GABRA5: variants seen among roughly 807,000 people sequenced by gnomAD.
GABRA5 encodes the protein gamma-aminobutyric acid receptor subunit alpha-5.
Under a neutral mutation model 47.3 loss-of-function variants are expected in GABRA5, and 18 were observed. That is an observed-to-expected ratio of 0.38 (90% confidence interval 0.26 to 0.56). The LOEUF (loss-of-function observed/expected upper bound fraction) is 0.56, where lower values mean the gene tolerates loss of function less well. Among genes scored for constraint, GABRA5 ranks in the 20% least tolerant of loss-of-function variants. The pLI is 0.71. For synonymous variants in GABRA5, 237 were observed against 229.3 expected (o/e 1.03, Z -0.30); for missense variants, 365 against 599.3 (o/e 0.61, Z 4.08).
At chr15:26,929,765 G>C (rs1179208830) in intron 7 of GABRA5, among the ~76,000 whole-genome samples, 1 of 152,172 alleles carries the variant, frequency 6.6e-6, no homozygotes, top group Non-Finnish European at 1.5e-5. Context: ...GCAGGGCAGG[G>C]CGCCTCTCCG....
intron 6 of GABRA5, among the ~76,000 whole-genome samples, chr15:26,889,616 G>A (rs1404211657): frequency 6.6e-6 from 1 of 152,144 alleles, no homozygotes; most frequent in East Asian, 1.9e-4. Flanking sequence ...AGATGTGTTT[G>A]TATATATGTA....
At chr15:26,938,696 C>T (rs1894306142) in intron 8 of GABRA5, among the ~76,000 whole-genome samples, 1 of 152,236 alleles carries the variant, frequency 6.6e-6, no homozygotes, top group African/African-American at 2.4e-5. Context: ...CTCGGCTCTG[C>T]TCCCTCACCT....
intron 6 of GABRA5, among the ~76,000 whole-genome samples, chr15:26,890,992 GT>G (rs1892992541): frequency 6.6e-6 from 1 of 152,176 alleles, no homozygotes; most frequent in South Asian, 2.1e-4. Flanking sequence ...GTCAGATTTA[GT>G]TTTGCTAAAA....
At chr15:26,897,205 A>G (rs1000233648) in intron 6 of GABRA5, among the ~76,000 whole-genome samples, 1 of 152,162 alleles carries the variant, frequency 6.6e-6, no homozygotes, top group African/African-American at 2.4e-5. Context: ...CTAACCTCTC[A>G]GTTGTCAGAA....
rs1312338285 is a variant in GABRA5, at chr15:26,943,314, T to C, written c.977T>C (p.Val326Ala). ...YATAMDWFIAVCYAFVFSALI... is the reference protein window; with the variant it reads ...YATAMDWFIAACYAFVFSALI... The stretch of plus-strand genomic sequence containing the variant: ...ACCGCCATGGACTGGTTCATAGCCG[T>C]GTGCTATGCCTTCGTCTTCTCGGCG... The change falls in exon 10 of 11, where the codon GTG (valine) becomes GCG (alanine). Residue 326 changes from valine to alanine, a missense_variant. Physicochemically the swap from Val to Ala is moderately conservative, Grantham distance 64. Coordinates refer to ENST00000335625, the MANE Select transcript of GABRA5 (RefSeq NM_000810.4). 1 of 1,588,446 alleles carries C rather than the reference T, an allele frequency of 6.3e-7. No individual in the cohort carries two copies. Among genetic ancestry groups the C allele is most frequent in the Non-Finnish European group, 8.6e-7 (1 of 1,167,264 alleles).
At chr15:26,881,078 C>T in intron 4 of GABRA5, 111 bp downstream of exon 4, 1 of 1,274,890 alleles carries the variant, frequency 7.8e-7, no homozygotes, top group South Asian at 1.7e-5. Flanking sequence ...GCTTCCCTGC[C>T]AGGATTTTGG....
chr15:26,918,368 T>A (rs1373157963), intron 7 of GABRA5, among the ~76,000 whole-genome samples: 4 of 152,170 alleles, frequency 2.6e-5, no homozygotes, highest in African/African-American at 7.2e-5. Flanking sequence ...GAAATTTCTG[T>A]CTTCTTAAAT....
At chr15:26,914,661 T>C in intron 6 of GABRA5, 142 bp from the exon 7 acceptor site, 1 of 642,700 alleles carries the variant, frequency 1.6e-6, no homozygotes, top group Middle Eastern at 2.6e-4. Flanking sequence ...ACTTACGTAA[T>C]TTGGTGGGGA....
Position 26,949,095 on chromosome 15 carries a change from T to C in GABRA5, c.*862T>C, listed in dbSNP as rs1894583118. 1 of 152,206 alleles carries C rather than the reference T, an allele frequency of 6.6e-6. No individual in the cohort carries two copies. The highest frequency in any genetic ancestry group is 1.5e-5 in the Non-Finnish European group (1 of 68,038). 9.4% of individuals were successfully genotyped at this position (152,206 alleles called of 1,614,324 possible). A position where few individuals can be genotyped will look rare whatever the true frequency, so the allele number is the denominator to read the frequency against. On this transcript the variant is annotated 3_prime_UTR_variant, in exon 11 of 11. Transcript: ENST00000335625. ...GTGGTGAGAAATTGTAATTGAGTTA[T>C]TTTCCATTTTATTTCCTTGTATGTA...
intron 8 of GABRA5, 46 bp downstream of exon 8, chr15:26,937,374 C>G (rs922263611): frequency 1.3e-6 from 2 of 1,551,408 alleles, no homozygotes. Flanking sequence ...CTCAGGACAC[C>G]ACACCCTTGG....
At chr15:26,905,622 C>T (rs1307171539) in intron 6 of GABRA5, among the ~76,000 whole-genome samples, 6 of 151,744 alleles carry the variant, frequency 4.0e-5, no homozygotes, top group African/African-American at 1.2e-4. Context: ...TCATTTGATA[C>T]TGTTGATGGT....
At chr15:26,871,866 C>T (rs1344523136) in intron 3 of GABRA5, among the ~76,000 whole-genome samples, 1 of 152,152 alleles carries the variant, frequency 6.6e-6, no homozygotes, top group Non-Finnish European at 1.5e-5. Flanking sequence ...CTGTAGTGAA[C>T]GTATTTGGCT....
At chr15:26,918,177 C>A (rs1893761401) in intron 7 of GABRA5, among the ~76,000 whole-genome samples, 1 of 151,954 alleles carries the variant, frequency 6.6e-6, no homozygotes, top group Admixed American at 6.6e-5. Context: ...TTCTTAGATG[C>A]CAATAAGTTT....
intron 10 of GABRA5, among the ~76,000 whole-genome samples, chr15:26,946,138 C>T (rs562267915): frequency 1.9e-4 from 29 of 152,060 alleles, no homozygotes; most frequent in African/African-American, 3.1e-4. Context: ...TTTCCCCTGA[C>T]GCCTGCTCCA....
intron 7 of GABRA5, among the ~76,000 whole-genome samples, chr15:26,934,723 C>G (rs147794460): frequency 6.9e-4 from 105 of 152,288 alleles, no homozygotes; most frequent in Non-Finnish European, 1.2e-3. Context: ...CAAGTCCACC[C>G]TGGTAGTGAG....
chr15:26,911,800 C>T (rs546469501), intron 6 of GABRA5, among the ~76,000 whole-genome samples: 1 of 152,282 alleles, frequency 6.6e-6, no homozygotes, highest in East Asian at 1.9e-4. Flanking sequence ...AGGAATTCAG[C>T]CCGTAGACTG....
At chr15:26,895,826 A>AAAAAAAAAAAAGAAGAAG (rs1458730535) in intron 6 of GABRA5, among the ~76,000 whole-genome samples, 1 of 136,018 alleles carries the variant, frequency 7.4e-6, no homozygotes, top group African/African-American at 2.9e-5. Context: ...AAAAAAAAAA[A>AAAAAAAAAAAAGAAGAAG]AAGAAGAAGA....
At chr15:26,876,659 G>C (rs776579186) in intron 3 of GABRA5, among the ~76,000 whole-genome samples, 39 of 152,194 alleles carry the variant, frequency 2.6e-4, no homozygotes, top group Non-Finnish European at 5.3e-4. Context: ...AGGGAGGGGA[G>C]GCAGCGGGGG....
At chr15:26,895,154 G>A (rs1893150503) in intron 6 of GABRA5, among the ~76,000 whole-genome samples, 1 of 151,864 alleles carries the variant, frequency 6.6e-6, no homozygotes, top group Non-Finnish European at 1.5e-5. Flanking sequence ...GCTGCAGGTC[G>A]CCCACCACGT....
Sources: gnomAD v4.1 joint callset for allele counts (sites outside exome capture counted in the v4.1 genomes callset) on GRCh38, gnomAD v4.1.1 for gene constraint, MANE v1.5 for transcripts, NCBI Gene and HGNC (gene_info 2026-07-23, HGNC 2026-07-21) for gene names.